UST: variants seen among roughly 807,000 people sequenced by gnomAD.
UST encodes chondroitin sulfate 2-O-sulfotransferase.
A neutral mutation model predicts 45.6 loss-of-function variants in UST; 21 were observed. The observed-to-expected ratio is 0.46, with a 90% confidence interval of 0.33 to 0.66. The LOEUF (loss-of-function observed/expected upper bound fraction) is 0.66. UST is among the 30% of genes least tolerant of loss of function. The pLI is 0.02. For missense variants in UST, 463 were observed against 512.4 expected, an observed-to-expected ratio of 0.90 and a Z score of 0.93; for synonymous variants, 215 against 200.6, an observed-to-expected ratio of 1.07 and a Z score of -0.61.
intron 1 of UST, among the ~76,000 whole-genome samples, chr6:148,801,394 A>T (rs1777055400): frequency 6.6e-6 from 1 of 152,298 alleles, no homozygotes. Flanking sequence ...TTAATCTCTT[A>T]TAATGAGGGT....
At chr6:148,949,365 T>C (rs1176167179) in intron 3 of UST, among the ~76,000 whole-genome samples, 1 of 148,052 alleles carries the variant, frequency 6.8e-6, no homozygotes, top group Non-Finnish European at 1.5e-5. Flanking sequence ...TCCACTGCAC[T>C]CCAGCCTGGG....
At chr6:148,771,502 C>G (rs1475486399) in intron 1 of UST, among the ~76,000 whole-genome samples, 1 of 152,170 alleles carries the variant, frequency 6.6e-6, no homozygotes, top group Non-Finnish European at 1.5e-5. Flanking sequence ...AAACCAGAAG[C>G]AAGTTTCTAC....
At chr6:148,810,455 C>T (rs926856869) in intron 1 of UST, among the ~76,000 whole-genome samples, 15 of 152,068 alleles carry the variant, frequency 9.9e-5, no homozygotes, top group Non-Finnish European at 1.5e-4. Flanking sequence ...GTAGATATTT[C>T]CGTTTCTATT....
At chr6:148,841,093 CTT>C (rs1361315603) in intron 1 of UST, among the ~76,000 whole-genome samples, 11 of 146,466 alleles carry the variant, frequency 7.5e-5, no homozygotes, top group Admixed American at 4.1e-4. Context: ...TACAATGACT[CTT>C]ATTGATATTT....
intron 5 of UST, among the ~76,000 whole-genome samples, chr6:148,965,279 G>A (rs1427166441): frequency 6.6e-6 from 1 of 152,170 alleles, no homozygotes; most frequent in African/African-American, 2.4e-5. Context: ...GCACTAGAAC[G>A]AAAGGTACAT....
chr6:148,973,870 G>C (rs1320932937), intron 5 of UST, among the ~76,000 whole-genome samples: 1 of 152,174 alleles, frequency 6.6e-6, no homozygotes, highest in Non-Finnish European at 1.5e-5. Context: ...TTCTAATTGC[G>C]AGTACTTATG....
intron 5 of UST, among the ~76,000 whole-genome samples, chr6:148,979,412 G>A (rs889946238): frequency 1.3e-5 from 2 of 152,126 alleles, no homozygotes; most frequent in African/African-American, 4.8e-5. Flanking sequence ...AATTTGATTT[G>A]CCCCAAGCCT....
In UST at chr6:149,070,936, T is replaced by C. The variant is rs887468928; in HGVS notation, c.938-2897T>C. Among the ~76,000 whole-genome samples the C allele has an allele frequency of 2.0e-5, 3 of 152,030 alleles. No individual in the cohort carries two copies. In the South Asian group the frequency reaches 6.2e-4, roughly 32 times the overall value. On this transcript the variant is annotated intron_variant, in intron 7 of 7. Transcript: ENST00000367463. The stretch of plus-strand genomic sequence containing the variant: ...GTGCATGCCACCACGCCCAGCTAAT[T>C]TGTGTATTTTTAGTAGAGACAGGGT...
intron 1 of UST, among the ~76,000 whole-genome samples, chr6:148,835,482 C>A (rs1472661485): frequency 6.6e-6 from 1 of 152,190 alleles, no homozygotes; most frequent in Admixed American, 6.5e-5. Context: ...AAACGTGTCC[C>A]TGGTCCCCTG....
At chr6:148,800,338 C>T (rs1388946927) in intron 1 of UST, among the ~76,000 whole-genome samples, 3 of 152,242 alleles carry the variant, frequency 2.0e-5, no homozygotes, top group Non-Finnish European at 4.4e-5. Context: ...AGGTTCCCTT[C>T]TTTCCCTTAC....
At chr6:148,998,410 T>C (rs571010248) in intron 5 of UST, among the ~76,000 whole-genome samples, 63 of 152,312 alleles carry the variant, frequency 4.1e-4, no homozygotes, top group Non-Finnish European at 8.2e-4. Flanking sequence ...TAATTCAACT[T>C]TTCACCAAAA....
chr6:148,867,037 T>G (rs1778449574), intron 1 of UST, among the ~76,000 whole-genome samples: 1 of 152,124 alleles, frequency 6.6e-6, no homozygotes, highest in South Asian at 2.1e-4. Flanking sequence ...ATCTTTCACT[T>G]CTCCTATGCT....
chr6:148,766,845 G>T (rs1464668394), intron 1 of UST, among the ~76,000 whole-genome samples: 1 of 152,190 alleles, frequency 6.6e-6, no homozygotes, highest in Non-Finnish European at 1.5e-5. Flanking sequence ...GCAGATACAG[G>T]GTCGGAGAGT....
intron 1 of UST, among the ~76,000 whole-genome samples, chr6:148,857,796 G>A (rs1778233339): frequency 1.3e-5 from 2 of 150,772 alleles, no homozygotes; most frequent in Middle Eastern, 3.2e-3. Context: ...AGATGTTTGA[G>A]GAGGAAGAAG....
chr6:148,912,859 G>A (rs9403998), intron 2 of UST, among the ~76,000 whole-genome samples: 142,858 of 152,260 alleles, frequency 0.94, 67,138 homozygotes, highest in Middle Eastern at 0.96. Flanking sequence ...GTGAAGTACT[G>A]TAGAGCAGAT....
rs1272108283 is a variant in UST at position 148,747,127 on chromosome 6, G to A, written c.-304G>A. ...GAGGCGAGCCCCGGCGGCCGCAAGC[G>A]AGCCCGAGGCGCGGCGGGGCGCGGG... On this transcript the variant is annotated 5_prime_UTR_variant, in exon 1 of 8. Coordinates refer to ENST00000367463, the MANE Select transcript of UST (RefSeq NM_005715.3). Among the ~76,000 whole-genome samples, 1 of 150,216 alleles carries A rather than the reference G, an allele frequency of 6.7e-6. No individual in the cohort carries two copies. Among genetic ancestry groups the A allele is most frequent in the Non-Finnish European group, 1.5e-5 (1 of 67,298 alleles).
At chr6:148,854,292 C>T (rs1274510532) in intron 1 of UST, among the ~76,000 whole-genome samples, 1 of 152,168 alleles carries the variant, frequency 6.6e-6, no homozygotes, top group East Asian at 1.9e-4. Context: ...ATTGTGAGCA[C>T]ACAGAATGTG....
intron 3 of UST, among the ~76,000 whole-genome samples, chr6:148,951,008 G>C (rs1049649746): frequency 1.3e-5 from 2 of 152,230 alleles, no homozygotes; most frequent in African/African-American, 4.8e-5. Context: ...GTGAAGAGTG[G>C]TTAGTATTTA....
chr6:149,047,230 AG>A (rs1370267449), intron 7 of UST, among the ~76,000 whole-genome samples: 4 of 152,220 alleles, frequency 2.6e-5, no homozygotes, highest in Non-Finnish European at 5.9e-5. Context: ...TGTGAAATGG[AG>A]TAAGCTAACT....
Sources: allele counts gnomAD v4.1 joint callset (sites outside exome capture counted in the v4.1 genomes callset), GRCh38; gene constraint gnomAD v4.1.1; transcripts MANE v1.5; gene names NCBI Gene and HGNC (gene_info 2026-07-23, HGNC 2026-07-21).